Variants in SQLE observed in about 807,000 individuals in gnomAD.
SQLE encodes squalene epoxidase.
In SQLE, 29 loss-of-function variants were observed where a neutral mutation model predicts 60.7. The ratio of observed to expected loss-of-function variants is 0.48; its 90% CI spans 0.36 to 0.65. The LOEUF (loss-of-function observed/expected upper bound fraction) is 0.65, where lower values mean the gene tolerates loss of function less well. Ranked by LOEUF, SQLE falls within the 30% of genes least tolerant of loss-of-function variation. The pLI, the probability that SQLE is intolerant of heterozygous loss-of-function variation, is 0.00. For missense variants in SQLE, 605 were observed against 684.1 expected, an observed-to-expected ratio of 0.88 and a Z score of 1.29; for synonymous variants, 237 against 246.8, an observed-to-expected ratio of 0.96 and a Z score of 0.37.
intron 7 of SQLE, among the ~76,000 whole-genome samples, chr8:125,013,131 C>T (rs1815062772): frequency 6.6e-6 from 1 of 151,850 alleles, no homozygotes; most frequent in South Asian, 2.1e-4. Flanking sequence ...TTTCAAGAGT[C>T]CTTTATATAT....
Position 125,009,284 on chromosome 8 carries a change from G to A in SQLE, c.1049G>A (p.Gly350Glu), listed in dbSNP as rs554371101. The A allele has an allele frequency of 1.2e-5, 19 of 1,613,708 alleles. No individual in the cohort carries two copies. In the African/African-American group the frequency reaches 2.5e-4, roughly 22 times the overall value. ...SETRVLVDIR[G>E]EMPRNLREYM... ...ACTCGAGTACTTGTTGACATTAGAG[G>A]AGAAATGCCAAGGAATTTAAGAGAA... The change falls in exon 6 of 11, where the codon GGA becomes GAA. Residue 350 changes from glycine (G) to glutamate (E), a missense_variant. By Grantham distance (98) the Gly-to-Glu change is moderately conservative. Coordinates refer to ENST00000265896, the MANE Select transcript of SQLE (RefSeq NM_003129.4).
At chr8:125,018,309 A>G (rs764558831) in intron 8 of SQLE, 108 bp downstream of exon 8, 11 of 1,135,348 alleles carry the variant, frequency 9.7e-6, no homozygotes, top group Middle Eastern at 4.1e-4. Flanking sequence ...CTGATGCTTT[A>G]TAATAGCTCT....
chr8:125,003,231 C>G lies in SQLE; in HGVS notation c.347C>G (p.Thr116Arg), dbSNP rs997744366. 8 of 1,613,632 alleles carry G rather than the reference C, an allele frequency of 5.0e-6. No homozygotes were observed. In the Admixed American group the frequency reaches 1.3e-4, roughly 27 times the overall value. ...ETSLIGTAAC[T>R]STSSQNDPEV... is the part of the protein sequence containing the mutation. ...AGCTTAATAGGAACAGCTGCCTGTA[C>G]ATCAACATCTTCTCAGAATGACCCA... Residue 116 changes from threonine to arginine, a missense_variant, in exon 2 of 11, where the codon ACA becomes AGA. Coordinates refer to ENST00000265896, the MANE Select transcript of SQLE (RefSeq NM_003129.4).
chr8:125,017,840 C>CCT, intron 7 of SQLE: 2 of 544,638 alleles, frequency 3.7e-6, no homozygotes, highest in Admixed American at 6.6e-5. Flanking sequence ...CTTGTTATTA[C>CCT]CATATCCCCA....
chr8:125,021,827 A>G lies in SQLE; in HGVS notation c.1607A>G (p.Lys536Arg). The G allele has an allele frequency of 6.2e-7, 1 of 1,610,400 alleles. No homozygotes were observed. Among genetic ancestry groups the G allele is most frequent in the Non-Finnish European group, 8.5e-7 (1 of 1,178,058 alleles). Residue 536 changes from lysine (K) to arginine (R), a missense_variant, in exon 11 of 11, where the codon AAG (lysine) becomes AGG (arginine). Coordinates refer to ENST00000265896, the MANE Select transcript of SQLE (RefSeq NM_003129.4). ...VAIYAVYFCF[K>R]SEPWITKPRA... ...ATCTATGCCGTGTATTTTTGCTTTA[A>G]GTCAGAACCTTGGATTACAAAACCT...
Position 125,005,580 on chromosome 8 carries a change from G to A in SQLE, c.600G>A (p.Gln200=). 1 of 1,611,804 alleles carries A rather than the reference G, an allele frequency of 6.2e-7. No homozygotes were observed. Among genetic ancestry groups the A allele is most frequent in the Non-Finnish European group, 8.5e-7 (1 of 1,178,526 alleles). ...QVVNGYMIHD[Q]ESKSEVQIPY... is the part of the protein sequence containing the mutation. The stretch of plus-strand genomic sequence containing the variant: ...TAAATGGTTACATGATTCATGATCA[G>A]GAAAGCAAATCAGAGGTTCAGATTC... Residue 200 remains glutamine, a synonymous_variant, in exon 3 of 11, where the codon CAG becomes CAA. Coordinates refer to ENST00000265896, the MANE Select transcript of SQLE (RefSeq NM_003129.4).
At chr8:125,021,057 A>G in intron 10 of SQLE, 186 bp downstream of exon 10, 2 of 518,244 alleles carry the variant, frequency 3.9e-6, no homozygotes, top group Non-Finnish European at 7.0e-6. Flanking sequence ...TTTCTAGGGA[A>G]CAGCAGTTAA....
At chr8:125,009,368 T>C (rs746567197) in intron 6 of SQLE, 25 bp downstream of exon 6, 2 of 1,592,684 alleles carry the variant, frequency 1.3e-6, no homozygotes, top group Non-Finnish European at 8.6e-7. Flanking sequence ...CTTCAGTTCT[T>C]ACAAAGGCTG....
At chr8:125,020,478 C>G (rs1250873107) in intron 9 of SQLE, among the ~76,000 whole-genome samples, 2 of 152,082 alleles carry the variant, frequency 1.3e-5, no homozygotes, top group African/African-American at 4.8e-5. Context: ...AAAGAGCTTC[C>G]AAAGTATTTT....
intron 7 of SQLE, among the ~76,000 whole-genome samples, chr8:125,014,072 C>G (rs74895614): frequency 6.6e-6 from 1 of 151,672 alleles, no homozygotes; most frequent in Non-Finnish European, 1.5e-5. Context: ...GGAGGAAAGT[C>G]TAGTAAAACA....
At chr8:125,007,313 CTG>C in intron 3 of SQLE, 76 bp from the exon 4 acceptor site, 1 of 1,071,588 alleles carries the variant, frequency 9.3e-7, no homozygotes. Context: ...TATGGATAAA[CTG>C]GAGATAAGGA....
At position 125,011,635 on chromosome 8, in the gene SQLE, A is replaced by G; in HGVS notation, c.1204+3A>G. ...TCCTTCATCAGTGAAGAAACGAGGTATTATTTTTTGGGCTTATTTTATAAA... is the reference window on the plus strand; with the variant it reads ...TCCTTCATCAGTGAAGAAACGAGGTGTTATTTTTTGGGCTTATTTTATAAA... On this transcript the variant is annotated splice_donor_region_variant and intron_variant, in intron 7 of 10. Transcript: ENST00000265896. 2 of 1,563,608 alleles carry G rather than the reference A, an allele frequency of 1.3e-6. No individual in the cohort carries two copies. Among genetic ancestry groups the G allele is most frequent in the Non-Finnish European group, 8.7e-7 (1 of 1,152,224 alleles).
In SQLE at chr8:124,999,588, A is replaced by G. The variant is rs1217103513; in HGVS notation, c.185A>G (p.Gln62Arg). The change falls in exon 1 of 11, where the codon CAG (glutamine) becomes CGG (arginine). Residue 62 changes from glutamine to arginine, a missense_variant. Transcript: ENST00000265896. ...GLLGRQQSGS[Q>R]FALFSDILSG... The stretch of plus-strand genomic sequence containing the variant: ...CTCGGGCGCCAGCAGAGCGGCTCCC[A>G]GTTCGCCCTCTTCTCGGATATTCTC... The G allele has an allele frequency of 3.7e-6, 6 of 1,613,654 alleles. No homozygotes were observed. Among genetic ancestry groups the G allele is most frequent in the South Asian group, 1.1e-5 (1 of 90,984 alleles).
intron 9 of SQLE, among the ~76,000 whole-genome samples, chr8:125,019,512 A>G (rs10103274): frequency 0.073 from 11,044 of 152,232 alleles, 520 homozygotes; most frequent in Middle Eastern, 0.28. Context: ...AGCTATATAT[A>G]GTGAGCTATA....
At chr8:125,003,066 A>T in intron 1 of SQLE, 110 bp from the exon 2 acceptor site, 1 of 922,274 alleles carries the variant, frequency 1.1e-6, no homozygotes, top group Non-Finnish European at 1.5e-6. Context: ...GATAATATTT[A>T]GTATCTAGCT....
At chr8:125,007,261 C>T in intron 3 of SQLE, 130 bp from the exon 4 acceptor site, 1 of 484,698 alleles carries the variant, frequency 2.1e-6, no homozygotes, top group South Asian at 6.1e-5. Flanking sequence ...ATAAAAAACA[C>T]ACATTGGACA....
chr8:125,005,086 A>G (rs1177801156), intron 2 of SQLE, among the ~76,000 whole-genome samples: 2 of 152,110 alleles, frequency 1.3e-5, no homozygotes, highest in African/African-American at 4.8e-5. Flanking sequence ...GTCATTATAT[A>G]TAAATTGGGG....
intron 6 of SQLE, among the ~76,000 whole-genome samples, chr8:125,010,498 T>A (rs1815021807): frequency 6.6e-6 from 1 of 152,178 alleles, no homozygotes; most frequent in Non-Finnish European, 1.5e-5. Flanking sequence ...ACATTTTGTT[T>A]AAATATTCCG....
chr8:125,009,807 A>G (rs1815012874), intron 6 of SQLE, among the ~76,000 whole-genome samples: 1 of 152,024 alleles, frequency 6.6e-6, no homozygotes, highest in Non-Finnish European at 1.5e-5. Flanking sequence ...AAAAAAAAAA[A>G]GTTTTGATAT....
Sources: gnomAD v4.1 joint callset for allele counts (sites outside exome capture counted in the v4.1 genomes callset) on GRCh38, gnomAD v4.1.1 for gene constraint, MANE v1.5 for transcripts, NCBI Gene and HGNC (gene_info 2026-07-23, HGNC 2026-07-21) for gene names.